SHOX: variants seen among roughly 807,000 people sequenced by gnomAD.
SHOX encodes SHOX homeobox.
Under a neutral mutation model 29.6 loss-of-function variants are expected in SHOX, and 12 were observed. That is an observed-to-expected ratio of 0.41 (90% confidence interval 0.26 to 0.66). SHOX has a LOEUF of 0.66. Ranked by LOEUF, SHOX falls within the 30% of genes least tolerant of loss-of-function variation. The probability of loss-of-function intolerance (pLI) is 0.35; values close to 1 mark genes in which losing one functional copy is unlikely to be tolerated. For synonymous variants in SHOX, 214 were observed against 200.6 expected (o/e 1.07, Z -0.57); for missense variants, 499 against 437.7 (o/e 1.14, Z -1.25).
At position 634,720 on chromosome X, in the gene SHOX, A is replaced by G. The variant is rs1362654411; in HGVS notation, c.380A>G (p.Glu127Gly). 3.7e-6 allele frequency: 6 copies of G among 1,613,570 alleles called. No homozygotes were observed. The highest frequency in any genetic ancestry group is 5.1e-6 in the Non-Finnish European group (6 of 1,179,812). ...CGCAGCCGCACCAACTTCACGCTGG[A>G]GCAGCTGAACGAGCTCGAGCGACTC... ...QRRSRTNFTL[E>G]QLNELERLFD... The change falls in exon 2 of 5, where the codon GAG becomes GGG. Residue 127 changes from glutamate to glycine, a missense_variant. Glu to Gly is a moderately conservative substitution (Grantham distance 98). Coordinates refer to ENST00000686671, the MANE Select transcript of SHOX (RefSeq NM_000451.4).
chrX:648,536 G>A lies in SHOX; in HGVS notation c.*3900G>A, dbSNP rs1236424905. On this transcript the variant is annotated 3_prime_UTR_variant, in exon 5 of 5. Coordinates refer to ENST00000686671, the MANE Select transcript of SHOX (RefSeq NM_000451.4). The stretch of plus-strand genomic sequence containing the variant: ...GAGCCACCGCACCTGGCCTGAATCT[G>A]AACTTTTAAAAGGGAGTTACTGACT... 2.0e-5 allele frequency among the ~76,000 whole-genome samples: 3 copies of A among 152,200 alleles called. No individual in the cohort carries two copies. The highest frequency in any genetic ancestry group is 7.2e-5 in the African/African-American group (3 of 41,442).
chrX:651,108 T>TTA lies in SHOX; in HGVS notation c.*6473_*6474insAT, dbSNP rs1375871436. On this transcript the variant is annotated 3_prime_UTR_variant, in exon 5 of 5. Transcript: ENST00000686671. ...TGATGTATGTGCATTTGTTATTTAT[T>TTA]TTTTTTTCCTTGGTCGGACGTTCAT... 15 of 346,602 alleles carry TTA rather than the reference T, an allele frequency of 4.3e-5. No homozygotes were observed. The highest frequency in any genetic ancestry group is 2.8e-4 in the African/African-American group (13 of 46,440). The allele number at this position is 346,602 out of a possible 1,614,324, so 21.5% of individuals were successfully genotyped here.
chrX:630,070 A>C (rs762513689), upstream of SHOX, among the ~76,000 whole-genome samples: 253 of 152,036 alleles, frequency 1.7e-3, no homozygotes, highest in African/African-American at 5.8e-3. Context: ...TCTCCCGGGG[A>C]CCTGGGCTTC....
At chrX:653,354 G>C (rs2053095055), downstream of SHOX, among the ~76,000 whole-genome samples, 2 of 152,310 alleles carry the variant, frequency 1.3e-5, no homozygotes, top group African/African-American at 2.4e-5. Context: ...CTGTCCCTTA[G>C]AAATAGATGT....
At chrX:640,151 C>A (rs762911538) in intron 2 of SHOX, among the ~76,000 whole-genome samples, 122 of 152,196 alleles carry the variant, frequency 8.0e-4, no homozygotes, top group African/African-American at 2.8e-3. Flanking sequence ...TCGAGACCAG[C>A]CTGGCCAACA....
rs185140243 is a variant in SHOX, at chrX:649,957, G to A, written c.*5321G>A. ...GACTGCGAAGCACCCACAGGGAGAA[G>A]GAATTGGATGTATCGGATGTTGCTA... On this transcript the variant is annotated 3_prime_UTR_variant, in exon 5 of 5. Transcript: ENST00000686671. 1.7e-4 allele frequency: 79 copies of A among 456,094 alleles called. 1 individual carries two copies. The highest frequency in any genetic ancestry group is 1.3e-3 in the African/African-American group (63 of 50,198). The allele number at this position is 456,094 out of a possible 1,614,324, so 28.3% of individuals were successfully genotyped here. A position where few individuals can be genotyped will look rare whatever the true frequency, so the allele number is the denominator to read the frequency against.
chrX:633,835 G>A (rs1039991733), intron 1 of SHOX, among the ~76,000 whole-genome samples: 1 of 152,140 alleles, frequency 6.6e-6, no homozygotes, highest in Admixed American at 6.5e-5. Flanking sequence ...GGTCAGAGAG[G>A]CTGAATGTCT....
downstream of SHOX, among the ~76,000 whole-genome samples, chrX:651,804 A>G (rs1465218219): frequency 1.3e-5 from 2 of 151,766 alleles, no homozygotes; most frequent in Non-Finnish European, 2.9e-5. Flanking sequence ...CTTTACTGAA[A>G]CCTACCTCCC....
In SHOX at chrX:641,839, C is replaced by A. The variant is rs113942427; in HGVS notation, c.633+752C>A. Among the ~76,000 whole-genome samples the A allele has an allele frequency of 1.2e-4, 19 of 152,208 alleles. 1 individual carries two copies. The East Asian group carries it at 3.7e-3, about 29-fold the overall frequency. The stretch of plus-strand genomic sequence containing the variant: ...TGGCTTGCTGCCTGGTTAAGAAGGG[C>A]GCAGATGCCTGTGCCTGGATACCAG... On this transcript the variant is annotated intron_variant, in intron 4 of 4. Coordinates refer to ENST00000686671, the MANE Select transcript of SHOX (RefSeq NM_000451.4).
chrX:644,924 T>G lies in SHOX; in HGVS notation c.*288T>G. The stretch of plus-strand genomic sequence containing the variant: ...TGCGTCCTGGGACCCTGGAGAAGGG[T>G]AAACCCCCGCCTGGCTGCGTCTTCC... On this transcript the variant is annotated 3_prime_UTR_variant, in exon 5 of 5. Coordinates refer to ENST00000686671, the MANE Select transcript of SHOX (RefSeq NM_000451.4). The G allele has an allele frequency of 2.4e-6, 1 of 415,664 alleles. No homozygotes were observed. The allele number at this position is 415,664 out of a possible 1,614,324, so 25.7% of individuals were successfully genotyped here.
chrX:647,196 C>T lies in SHOX; in HGVS notation c.*2560C>T, dbSNP rs28460559. 0.32 allele frequency among the ~76,000 whole-genome samples: 47,915 copies of T among 147,980 alleles called. 8,091 individuals carry two copies. Among genetic ancestry groups the T allele is most frequent in the African/African-American group, 0.43 (17,245 of 39,742 alleles). ...GGTTCAAGCCATTCTCCTGCCTCAG[C>T]CTCCCGAGTAGCTGGGATTACAGGC... On this transcript the variant is annotated 3_prime_UTR_variant, in exon 5 of 5. Transcript: ENST00000686671.
At chrX:627,346 G>A (rs2052556551), upstream of SHOX, among the ~76,000 whole-genome samples, 1 of 152,136 alleles carries the variant, frequency 6.6e-6, no homozygotes, top group African/African-American at 2.4e-5. Context: ...TCAAACGCTG[G>A]GTGTTTCCTG....
chrX:637,035 G>T (rs1392630518), intron 2 of SHOX, among the ~76,000 whole-genome samples: 1 of 149,960 alleles, frequency 6.7e-6, no homozygotes, highest in Non-Finnish European at 1.5e-5. Context: ...CCCTAAGATC[G>T]TTAGGATTAA....
intron 1 of SHOX, among the ~76,000 whole-genome samples, chrX:634,049 A>G (rs906856065): frequency 1.6e-4 from 25 of 152,228 alleles, no homozygotes; most frequent in African/African-American, 5.8e-4. Flanking sequence ...TTCAGCCCCC[A>G]GGCGCGGTGG....
chrX:650,210 C>G lies in SHOX; in HGVS notation c.*5574C>G, dbSNP rs940157310. ...CTGTACGATTTAGAGCGTAACTGACCGCGTCCAACACCCGTTTTTCCACTT... is the reference window on the plus strand; with the variant it reads ...CTGTACGATTTAGAGCGTAACTGACGGCGTCCAACACCCGTTTTTCCACTT... On this transcript the variant is annotated 3_prime_UTR_variant, in exon 5 of 5. Coordinates refer to ENST00000686671, the MANE Select transcript of SHOX (RefSeq NM_000451.4). Among the ~76,000 whole-genome samples the G allele has an allele frequency of 7.2e-5, 11 of 152,148 alleles. No homozygotes were observed. Among genetic ancestry groups the G allele is most frequent in the African/African-American group, 2.7e-4 (11 of 41,438 alleles).
At chrX:627,373 A>G (rs2052556958), upstream of SHOX, among the ~76,000 whole-genome samples, 1 of 152,190 alleles carries the variant, frequency 6.6e-6, no homozygotes, top group Non-Finnish European at 1.5e-5. Flanking sequence ...TTTAAAGGGA[A>G]GGGCAGGGAG....
At position 650,037 on chromosome X, in the gene SHOX, T is replaced by G. The variant is rs768158677; in HGVS notation, c.*5401T>G. The G allele has an allele frequency of 1.8e-5, 8 of 455,706 alleles. No homozygotes were observed. The highest frequency in any genetic ancestry group is 1.2e-4 in the South Asian group (8 of 64,442). The allele number at this position is 455,706 out of a possible 1,614,324, so 28.2% of individuals were successfully genotyped here. A position where few individuals can be genotyped will look rare whatever the true frequency, so the allele number is the denominator to read the frequency against. On this transcript the variant is annotated 3_prime_UTR_variant, in exon 5 of 5. Transcript: ENST00000686671. ...GACTGGTGCATACTTTGCAAAGGTG[T>G]GTTCCTGGCAATTGCCAAGAGTTAG...
chrX:631,243 G>A (rs2052643685), intron 1 of SHOX, 69 bp downstream of exon 1: 5 of 1,567,572 alleles, frequency 3.2e-6, no homozygotes, highest in Non-Finnish European at 4.4e-6. Context: ...CCACGGAGTC[G>A]GCCCCGCGCG....
chrX:631,537 T>A (rs2052649333), intron 1 of SHOX, among the ~76,000 whole-genome samples: 1 of 151,734 alleles, frequency 6.6e-6, no homozygotes. Flanking sequence ...TTTTTTTGTT[T>A]GTTTGTTTGT....
Sources: gnomAD v4.1 joint callset for allele counts (sites outside exome capture counted in the v4.1 genomes callset) on GRCh38, gnomAD v4.1.1 for gene constraint, MANE v1.5 for transcripts, NCBI Gene and HGNC (gene_info 2026-07-23, HGNC 2026-07-21) for gene names.